The following MAK16 variants were observed in gnomAD, a reference collection of about 807,000 sequenced individuals.
The protein encoded by MAK16 is MAK16 homolog.
Under a neutral mutation model 49.9 loss-of-function variants are expected in MAK16, and 12 were observed. That is an observed-to-expected ratio of 0.24 (90% CI 0.15 to 0.39). MAK16 has a LOEUF of 0.39. Among genes scored for constraint, MAK16 ranks in the 10% least tolerant of loss-of-function variants. The pLI, the probability that MAK16 is intolerant of heterozygous loss-of-function variation, is 1.00. For synonymous variants in MAK16, 115 were observed against 126.4 expected, an observed-to-expected ratio of 0.91 and a Z score of 0.60; for missense variants, 292 against 363.7, an observed-to-expected ratio of 0.80 and a Z score of 1.60.
chr8:33,498,484 C>T lies in MAK16; in HGVS notation c.758C>T (p.Ser253Phe), dbSNP rs905785096. 2.5e-6 allele frequency: 4 copies of T among 1,613,760 alleles called. No homozygotes were observed. The highest frequency in any genetic ancestry group is 3.3e-5 in the Admixed American group (2 of 59,952). ...SSDEDQDGKS[S>F]SEEEEEKALS... Reference sequence around the variant, plus strand: ...GATGAAGATCAGGATGGTAAATCCTCCAGTGAGGAGGAGGAAGAAAAGGCC... The same window carrying T: ...GATGAAGATCAGGATGGTAAATCCTTCAGTGAGGAGGAGGAAGAAAAGGCC... The change falls in exon 10 of 10, where the codon TCC becomes TTC. Residue 253 changes from serine to phenylalanine, a missense_variant. Coordinates refer to ENST00000360128, the MANE Select transcript of MAK16 (RefSeq NM_032509.4).
chr8:33,493,953 A>G (rs1808816246), intron 6 of MAK16, among the ~76,000 whole-genome samples: 1 of 152,162 alleles, frequency 6.6e-6, no homozygotes, highest in Non-Finnish European at 1.5e-5. Context: ...GTCTTCCTCA[A>G]ACTATTAAAA....
chr8:33,492,176 TTTG>T (rs1368491510), intron 6 of MAK16, among the ~76,000 whole-genome samples: 1 of 151,796 alleles, frequency 6.6e-6, no homozygotes, highest in African/African-American at 2.4e-5. Context: ...TGCCTGGCTG[TTTG>T]TTTTGTATTT....
Position 33,500,750 on chromosome 8 carries a change from C to T in MAK16, c.*2121C>T. 1 of 432,116 alleles carries T rather than the reference C, an allele frequency of 2.3e-6. No individual in the cohort carries two copies. Among genetic ancestry groups the T allele is most frequent in the South Asian group, 2.5e-5 (1 of 40,480 alleles). 26.8% of individuals were successfully genotyped at this position (432,116 alleles called of 1,614,324 possible). ...TCTTCCTTCCAGAAGCTTGGTTCTA[C>T]TGTAAGCAACAGCTCCTTCATGGGC... is the stretch of plus-strand genomic sequence containing the variant. On this transcript the variant is annotated 3_prime_UTR_variant, in exon 10 of 10. Transcript: ENST00000360128.
At chr8:33,492,946 AT>A (rs201449520) in intron 6 of MAK16, among the ~76,000 whole-genome samples, 2 of 140,990 alleles carry the variant, frequency 1.4e-5, no homozygotes, top group Non-Finnish European at 1.6e-5. Context: ...CAATTTTAGG[AT>A]TTTTTTTTCT....
chr8:33,493,293 C>G (rs1270866666), intron 6 of MAK16, among the ~76,000 whole-genome samples: 1 of 152,010 alleles, frequency 6.6e-6, no homozygotes, highest in African/African-American at 2.4e-5. Context: ...AGCTGGGATT[C>G]CAGGCATGCA....
chr8:33,496,113 A>G lies in MAK16; in HGVS notation c.522+497A>G, dbSNP rs1313079503. ...GGTTACCCTTGATACTCCATTCACTATAAGAGACCTTTCCCTTTTTGCCAT... is the reference window on the plus strand; with the variant it reads ...GGTTACCCTTGATACTCCATTCACTGTAAGAGACCTTTCCCTTTTTGCCAT... On this transcript the variant is annotated intron_variant, in intron 7 of 9. Coordinates refer to ENST00000360128, the MANE Select transcript of MAK16 (RefSeq NM_032509.4). Among the ~76,000 whole-genome samples, 4 of 152,278 alleles carry G rather than the reference A, an allele frequency of 2.6e-5. No individual in the cohort carries two copies. In the South Asian group the frequency reaches 6.2e-4, roughly 24 times the overall value.
At chr8:33,496,041 C>T (rs1376453947) in intron 7 of MAK16, among the ~76,000 whole-genome samples, 1 of 152,088 alleles carries the variant, frequency 6.6e-6, no homozygotes, top group Non-Finnish European at 1.5e-5. Context: ...AAATCCATAT[C>T]GGCCTGGCTT....
chr8:33,492,300 C>G (rs1344106814), intron 6 of MAK16, among the ~76,000 whole-genome samples: 1 of 152,216 alleles, frequency 6.6e-6, no homozygotes, highest in African/African-American at 2.4e-5. Context: ...ACGTGAGCCA[C>G]CGCGCTGGCC....
intron 1 of MAK16, 87 bp downstream of exon 1, chr8:33,485,308 G>A: frequency 6.4e-7 from 1 of 1,561,106 alleles, no homozygotes; most frequent in Non-Finnish European, 8.8e-7. Flanking sequence ...CGTACGCAGC[G>A]GGTCTGTTGC....
intron 7 of MAK16, among the ~76,000 whole-genome samples, chr8:33,496,362 G>C (rs1037342216): frequency 2.6e-5 from 4 of 152,042 alleles, no homozygotes; most frequent in Non-Finnish European, 5.9e-5. Flanking sequence ...CAATGCATGG[G>C]TTTTGTAGAC....
At position 33,496,613 on chromosome 8, in the gene MAK16, T is replaced by G. The variant is rs745820983; in HGVS notation, c.523-12T>G. 3.1e-6 allele frequency: 5 copies of G among 1,600,976 alleles called. No homozygotes were observed. Among genetic ancestry groups the G allele is most frequent in the Non-Finnish European group, 4.3e-6 (5 of 1,169,514 alleles). On this transcript the variant is annotated splice_polypyrimidine_tract_variant and intron_variant, in intron 7 of 9. Transcript: ENST00000360128. Reference sequence around the variant, plus strand: ...AATGTAGTTAAAGCCAATCTGTGTTTATGTTCTTCAGTATGGCGACATCTA... The same window carrying G: ...AATGTAGTTAAAGCCAATCTGTGTTGATGTTCTTCAGTATGGCGACATCTA...
At chr8:33,498,011 G>A (rs967097439) in intron 9 of MAK16, among the ~76,000 whole-genome samples, 11 of 151,072 alleles carry the variant, frequency 7.3e-5, no homozygotes, top group South Asian at 6.3e-4. Context: ...CAGAAGAATC[G>A]CTTGAACCTA....
chr8:33,500,396 T>C lies in MAK16; in HGVS notation c.*1767T>C, dbSNP rs1467567013. 1 of 1,614,106 alleles carries C rather than the reference T, an allele frequency of 6.2e-7. No homozygotes were observed. Among genetic ancestry groups the C allele is most frequent in the South Asian group, 1.1e-5 (1 of 91,080 alleles). The stretch of plus-strand genomic sequence containing the variant: ...TCTGTGGCCTCCTGTAGCAGGGCGC[T>C]CTTAACAGACTCAGGTGTAAGGTTT... On this transcript the variant is annotated 3_prime_UTR_variant, in exon 10 of 10. Transcript: ENST00000360128.
In MAK16 at chr8:33,499,463, T is replaced by C. The variant is rs567524279; in HGVS notation, c.*834T>C. 2.6e-3 allele frequency: 1,415 copies of C among 546,014 alleles called. 3 individuals are homozygous for C. Among genetic ancestry groups the C allele is most frequent in the Middle Eastern group, 5.9e-3 (12 of 2,020 alleles). 33.8% of individuals were successfully genotyped at this position (546,014 alleles called of 1,614,324 possible). On this transcript the variant is annotated 3_prime_UTR_variant, in exon 10 of 10. Coordinates refer to ENST00000360128, the MANE Select transcript of MAK16 (RefSeq NM_032509.4). The stretch of plus-strand genomic sequence containing the variant: ...TATTTTTAAATTTATATAGCTCTCA[T>C]GTATTGAAGGTGCTACTTTAAAAAC...
rs1269181610 is a variant in MAK16, at chr8:33,490,347, ATTG to A, written c.447+12_447+14del. The A allele has an allele frequency of 6.2e-7, 1 of 1,610,186 alleles. No homozygotes were observed. The highest frequency in any genetic ancestry group is 8.5e-7 in the Non-Finnish European group (1 of 1,176,688). ...AGGGAGAAAAGAAGAGAGGTAACTTATTGTTGAGATATTCATACCTTCTACATT... is the reference window on the plus strand; with the variant it reads ...AGGGAGAAAAGAAGAGAGGTAACTTATTGAGATATTCATACCTTCTACATT... On this transcript the variant is annotated intron_variant, in intron 6 of 9. Coordinates refer to ENST00000360128, the MANE Select transcript of MAK16 (RefSeq NM_032509.4).
intron 2 of MAK16, 43 bp downstream of exon 2, chr8:33,488,470 C>A: frequency 1.2e-6 from 2 of 1,613,336 alleles, no homozygotes; most frequent in Non-Finnish European, 1.7e-6. Flanking sequence ...CCTTCAGTTG[C>A]CTCTTTGGCA....
At chr8:33,488,664 T>C in intron 3 of MAK16, 35 bp downstream of exon 3, 1 of 1,611,734 alleles carries the variant, frequency 6.2e-7, no homozygotes, top group South Asian at 1.1e-5. Context: ...GAAGAACTGC[T>C]CCACAGCTTT....
intron 6 of MAK16, among the ~76,000 whole-genome samples, chr8:33,492,338 G>C (rs551126934): frequency 3.9e-5 from 6 of 152,306 alleles, no homozygotes; most frequent in African/African-American, 1.4e-4. Context: ...TCCCTTGTCA[G>C]GTGGATAGTT....
chr8:33,486,933 G>A (rs1416101408), intron 1 of MAK16, among the ~76,000 whole-genome samples: 2 of 152,174 alleles, frequency 1.3e-5, no homozygotes, highest in African/African-American at 2.4e-5. Context: ...TCCATTTAGA[G>A]ATGATACTTA....
Sources: gnomAD v4.1 joint callset for allele counts (sites outside exome capture counted in the v4.1 genomes callset) on GRCh38, gnomAD v4.1.1 for gene constraint, MANE v1.5 for transcripts, NCBI Gene and HGNC (gene_info 2026-07-23, HGNC 2026-07-21) for gene names.